Variants in PPIL4 observed in about 807,000 individuals in gnomAD.
PPIL4 encodes peptidylprolyl isomerase like 4.
A neutral mutation model predicts 69.1 loss-of-function variants in PPIL4; 50 were observed. The ratio of observed to expected loss-of-function variants is 0.72; its 90% CI spans 0.58 to 0.92. PPIL4 has a LOEUF of 0.92. Ranked by LOEUF, PPIL4 falls within the 40% of genes least tolerant of loss-of-function variation. The pLI is 0.00. For missense variants in PPIL4, 480 were observed against 587.9 expected, an observed-to-expected ratio of 0.82 and a Z score of 1.90; for synonymous variants, 193 against 191.6, an observed-to-expected ratio of 1.01 and a Z score of -0.06.
intron 12 of PPIL4, among the ~76,000 whole-genome samples, chr6:149,511,885 G>A (rs964543804): frequency 1.3e-5 from 2 of 152,144 alleles, no homozygotes; most frequent in Non-Finnish European, 2.9e-5. Context: ...TGGGAATAAA[G>A]GAGTATCCAC....
chr6:149,541,924 G>C (rs1187380701), intron 1 of PPIL4, among the ~76,000 whole-genome samples: 1 of 152,086 alleles, frequency 6.6e-6, no homozygotes, highest in Admixed American at 6.6e-5. Context: ...TGAGGCAGGA[G>C]AATCACTTGA....
chr6:149,512,053 C>CT, intron 12 of PPIL4, 102 bp downstream of exon 12: 1 of 981,946 alleles, frequency 1.0e-6, no homozygotes, highest in Non-Finnish European at 1.5e-6. Context: ...CCCATCTCTG[C>CT]TTAGAACTAT....
rs1408022365 is a variant in PPIL4 at position 149,504,592 on chromosome 6, T to C, written c.*861A>G. Reference sequence around the variant, plus strand: ...ACACATGGAAGAGCAGAGATAACAGTAATCTTGCTGGAAATCACAGGTAGA... The same window carrying C: ...ACACATGGAAGAGCAGAGATAACAGCAATCTTGCTGGAAATCACAGGTAGA... On this transcript the variant is annotated 3_prime_UTR_variant, in exon 13 of 13. Transcript: ENST00000253329. 1.3e-5 allele frequency: 2 copies of C among 152,186 alleles called. No homozygotes were observed. Among genetic ancestry groups the C allele is most frequent in the African/African-American group, 4.8e-5 (2 of 41,446 alleles). The allele number at this position is 152,186 out of a possible 1,614,324, so 9.4% of individuals were successfully genotyped here.
chr6:149,537,837 C>T (rs536175149), intron 4 of PPIL4, among the ~76,000 whole-genome samples: 145 of 152,240 alleles, frequency 9.5e-4, no homozygotes, highest in African/African-American at 3.3e-3. Context: ...TGAGACCTGC[C>T]GCTCAGAACA....
intron 12 of PPIL4, 76 bp from the exon 13 acceptor site, chr6:149,505,780 A>T: frequency 1.4e-6 from 2 of 1,394,386 alleles, no homozygotes; most frequent in Non-Finnish European, 2.0e-6. Context: ...AATAAAACTT[A>T]GAAAAGTCTA....
rs1776744967 is a variant in PPIL4 at position 149,504,935 on chromosome 6, C to G, written c.*518G>C. 1 of 152,128 alleles carries G rather than the reference C, an allele frequency of 6.6e-6. No homozygotes were observed. Among genetic ancestry groups the G allele is most frequent in the Non-Finnish European group, 1.5e-5 (1 of 68,094 alleles). 9.4% of individuals were successfully genotyped at this position (152,128 alleles called of 1,614,324 possible). A position where few individuals can be genotyped will look rare whatever the true frequency, so the allele number is the denominator to read the frequency against. On this transcript the variant is annotated 3_prime_UTR_variant, in exon 13 of 13. Transcript: ENST00000253329. ...GAAAGTCACAGAAGTAAACATTTTG[C>G]CATTTATATAAAATTCAGAAACATA...
intron 4 of PPIL4, among the ~76,000 whole-genome samples, chr6:149,536,918 G>A (rs1777285654): frequency 6.6e-6 from 1 of 152,018 alleles, no homozygotes; most frequent in South Asian, 2.1e-4. Flanking sequence ...ACAAGCTCAG[G>A]AGTTCAAGAC....
At chr6:149,521,406 T>C (rs1015236267) in intron 9 of PPIL4, among the ~76,000 whole-genome samples, 1 of 152,188 alleles carries the variant, frequency 6.6e-6, no homozygotes, top group African/African-American at 2.4e-5. Flanking sequence ...GTATAGAAGT[T>C]GTTGGCAAGG....
chr6:149,532,128 G>C (rs1209587), intron 7 of PPIL4, among the ~76,000 whole-genome samples: 152,172 of 152,294 alleles, frequency 1, 76,025 homozygotes, highest in Middle Eastern at 1. Flanking sequence ...TCAAATAGTC[G>C]AGAAAAAAAA....
chr6:149,536,849 G>A (rs1309600060), intron 4 of PPIL4, among the ~76,000 whole-genome samples: 1 of 152,200 alleles, frequency 6.6e-6, no homozygotes, highest in Non-Finnish European at 1.5e-5. Context: ...CAAGTGGCCA[G>A]GTGCAGTGGC....
intron 9 of PPIL4, among the ~76,000 whole-genome samples, chr6:149,524,240 C>T (rs1777074080): frequency 6.6e-6 from 1 of 152,174 alleles, no homozygotes; most frequent in African/African-American, 2.4e-5. Flanking sequence ...CATTATGTGT[C>T]TCAGTTAACT....
At chr6:149,538,034 G>A (rs904689110) in intron 4 of PPIL4, among the ~76,000 whole-genome samples, 1 of 152,106 alleles carries the variant, frequency 6.6e-6, no homozygotes, top group Non-Finnish European at 1.5e-5. Context: ...TGAGGCAGGT[G>A]GATCACTTGA....
At chr6:149,531,339 T>C (rs1777193481) in intron 7 of PPIL4, among the ~76,000 whole-genome samples, 1 of 138,002 alleles carries the variant, frequency 7.2e-6, no homozygotes, top group South Asian at 2.3e-4. Context: ...CACTCCAGCC[T>C]GATAACAGAG....
intron 12 of PPIL4, among the ~76,000 whole-genome samples, chr6:149,509,090 G>A (rs973317831): frequency 1.3e-5 from 2 of 152,036 alleles, no homozygotes; most frequent in African/African-American, 4.8e-5. Context: ...TTAAATCAAA[G>A]TACAAAACTT....
intron 8 of PPIL4, among the ~76,000 whole-genome samples, chr6:149,526,258 A>G (rs1028927646): frequency 2.0e-5 from 3 of 152,228 alleles, no homozygotes; most frequent in African/African-American, 7.2e-5. Flanking sequence ...TAACCAAAAG[A>G]AAAATTTTAG....
chr6:149,536,552 T>C (rs1330796776), intron 4 of PPIL4, among the ~76,000 whole-genome samples: 3 of 151,978 alleles, frequency 2.0e-5, no homozygotes, highest in Non-Finnish European at 2.9e-5. Context: ...GTTTTAGTAA[T>C]CTACATAGGT....
chr6:149,545,622 G>T (rs1777428077), intron 1 of PPIL4, among the ~76,000 whole-genome samples: 1 of 152,084 alleles, frequency 6.6e-6, no homozygotes, highest in Admixed American at 6.6e-5. Flanking sequence ...AAAGCTATGG[G>T]TATTGTATGT....
intron 8 of PPIL4, 54 bp downstream of exon 8, chr6:149,526,598 A>G: frequency 6.6e-7 from 1 of 1,513,534 alleles, no homozygotes; most frequent in Non-Finnish European, 9.0e-7. Flanking sequence ...TTAGAAAACC[A>G]CCAACTGATA....
At chr6:149,513,412 A>AATATATATAT (rs1200919281) in intron 11 of PPIL4, among the ~76,000 whole-genome samples, 20 of 55,318 alleles carry the variant, frequency 3.6e-4, no homozygotes, top group African/African-American at 1.4e-3. Flanking sequence ...AAAAAAAAAA[A>AATATATATAT]ATATATATAT....
Sources: allele counts gnomAD v4.1 joint callset (sites outside exome capture counted in the v4.1 genomes callset), GRCh38; gene constraint gnomAD v4.1.1; transcripts MANE v1.5; gene names NCBI Gene and HGNC (gene_info 2026-07-23, HGNC 2026-07-21).